Variants in RFX8 observed in about 807,000 individuals in gnomAD.
RFX8 encodes the protein DNA-binding protein RFX8.
RFX8 carries 46 observed loss-of-function variants against 54.6 expected under a neutral mutation model. The observed-to-expected ratio is 0.84, with a 90% CI of 0.67 to 1.08. The LOEUF is 1.08. Among genes scored for constraint, RFX8 ranks in the 50% least tolerant of loss-of-function variants. The pLI is 0.00. For synonymous variants in RFX8, 192 were observed against 209.5 expected (o/e 0.92, Z 0.72); for missense variants, 536 against 562.3 (o/e 0.95, Z 0.47).
rs1355231993 is a variant in RFX8 at position 101,413,107 on chromosome 2, T to C, written c.562-36A>G. 10 of 1,523,494 alleles carry C rather than the reference T, an allele frequency of 6.6e-6. No individual in the cohort carries two copies. The East Asian group carries it at 2.5e-4, about 37-fold the overall frequency. The allele number at this position is 1,523,494 out of a possible 1,614,324, so 94.4% of individuals were successfully genotyped here. On this transcript the variant is annotated intron_variant, in intron 7 of 11. Coordinates refer to ENST00000428343, the MANE Select transcript of RFX8 (RefSeq NM_001145664.2). The stretch of plus-strand genomic sequence containing the variant: ...CAGGGAGGCATAATACTTAATTCAA[T>C]CTGGTCATTTTATTTTTGCCTAACT...
In RFX8 at chr2:101,397,413, A is replaced by G; in HGVS notation, c.*135T>C. On this transcript the variant is annotated 3_prime_UTR_variant, in exon 12 of 12. Coordinates refer to ENST00000428343, the MANE Select transcript of RFX8 (RefSeq NM_001145664.2). ...TCGAAACCACCTCCTTGAAATACAT[A>G]TAAACATAAAATAGACAATGCTACA... 6.0e-6 allele frequency: 3 copies of G among 496,494 alleles called. No homozygotes were observed. The East Asian group carries it at 1.0e-4, about 17-fold the overall frequency. The allele number at this position is 496,494 out of a possible 1,614,324, so 30.8% of individuals were successfully genotyped here.
At chr2:101,447,040 G>C (rs993396529) in intron 2 of RFX8, among the ~76,000 whole-genome samples, 1 of 152,176 alleles carries the variant, frequency 6.6e-6, no homozygotes, top group African/African-American at 2.4e-5. Flanking sequence ...CTGGTTTGGC[G>C]CAGAGCACAG....
intron 2 of RFX8, among the ~76,000 whole-genome samples, chr2:101,453,660 C>T (rs1688818610): frequency 6.6e-6 from 1 of 152,120 alleles, no homozygotes; most frequent in African/African-American, 2.4e-5. Context: ...TAAGCGTTCT[C>T]TGTGTTTCAT....
chr2:101,441,293 A>G (rs1406035924), intron 2 of RFX8, among the ~76,000 whole-genome samples: 3 of 152,104 alleles, frequency 2.0e-5, no homozygotes, highest in Non-Finnish European at 4.4e-5. Flanking sequence ...TTAATCCTCA[A>G]TGTGGCAGTA....
chr2:101,452,922 T>C (rs1688774366), intron 2 of RFX8, among the ~76,000 whole-genome samples: 1 of 151,628 alleles, frequency 6.6e-6, no homozygotes, highest in Non-Finnish European at 1.5e-5. Flanking sequence ...CTGGCCAACA[T>C]GGTGAAACCC....
intron 9 of RFX8, 88 bp from the exon 10 acceptor site, chr2:101,406,145 A>G: frequency 1.4e-6 from 1 of 707,356 alleles, no homozygotes; most frequent in Non-Finnish European, 2.4e-6. Context: ...TTTGTCATGC[A>G]CACGCATTTT....
At chr2:101,437,391 A>T (rs1687837980) in intron 2 of RFX8, among the ~76,000 whole-genome samples, 1 of 152,046 alleles carries the variant, frequency 6.6e-6, no homozygotes, top group South Asian at 2.1e-4. Flanking sequence ...TGGACAACAC[A>T]ACAAGACCCT....
intron 11 of RFX8, among the ~76,000 whole-genome samples, chr2:101,399,643 G>A (rs1385026115): frequency 6.6e-6 from 1 of 152,128 alleles, no homozygotes; most frequent in Non-Finnish European, 1.5e-5. Context: ...AGTGGTTATT[G>A]GGTACTTACT....
Position 101,397,484 on chromosome 2 carries a change from GTATT to G in RFX8, c.*60_*63del. The stretch of plus-strand genomic sequence containing the variant: ...ATCTTTCGTCAATAGAAAAACTTTA[GTATT>G]TAATATTTTTAAGAATGCAAGTCTA... On this transcript the variant is annotated 3_prime_UTR_variant, in exon 12 of 12. Transcript: ENST00000428343. 1 of 1,090,902 alleles carries G rather than the reference GTATT, an allele frequency of 9.2e-7. No homozygotes were observed. Among genetic ancestry groups the G allele is most frequent in the South Asian group, 1.8e-5 (1 of 54,350 alleles). The allele number at this position is 1,090,902 out of a possible 1,614,324, so 67.6% of individuals were successfully genotyped here. A position where few individuals can be genotyped will look rare whatever the true frequency, so the allele number is the denominator to read the frequency against.
intron 1 of RFX8, among the ~76,000 whole-genome samples, chr2:101,470,706 ACT>A (rs1689930507): frequency 8.7e-6 from 1 of 115,472 alleles, no homozygotes; most frequent in East Asian, 2.6e-4. Flanking sequence ...TTTTCTGAGT[ACT>A]CTTTTTTTTT....
At chr2:101,454,741 GTTGT>G (rs1162996738) in intron 2 of RFX8, among the ~76,000 whole-genome samples, 1 of 152,232 alleles carries the variant, frequency 6.6e-6, no homozygotes, top group Non-Finnish European at 1.5e-5. Context: ...TTTTGATGGG[GTTGT>G]TTGTTTTTTT....
At chr2:101,410,794 C>A in intron 8 of RFX8, 81 bp from the exon 9 acceptor site, 1 of 719,266 alleles carries the variant, frequency 1.4e-6, no homozygotes, top group Non-Finnish European at 2.4e-6. Context: ...TACTGGGTAA[C>A]CTGGAAACAT....
intron 2 of RFX8, among the ~76,000 whole-genome samples, chr2:101,423,501 A>T (rs1179172253): frequency 6.6e-6 from 1 of 152,274 alleles, no homozygotes; most frequent in Non-Finnish European, 1.5e-5. Flanking sequence ...ATAAAGTAGG[A>T]TGAAAGAATT....
At chr2:101,397,843 G>A (rs1223245881) in intron 11 of RFX8, 119 bp from the exon 12 acceptor site, 1 of 787,470 alleles carries the variant, frequency 1.3e-6, no homozygotes. Context: ...GGATGTAAAG[G>A]AGAAGTTCAT....
At chr2:101,423,738 C>A (rs1229377908) in intron 2 of RFX8, among the ~76,000 whole-genome samples, 5 of 152,170 alleles carry the variant, frequency 3.3e-5, no homozygotes, top group Non-Finnish European at 5.9e-5. Flanking sequence ...GAGGGCAGGG[C>A]AGCTTCTCTA....
At chr2:101,423,259 C>CA (rs10686930) in intron 2 of RFX8, among the ~76,000 whole-genome samples, 993 of 96,936 alleles carry the variant, frequency 0.01, 9 homozygotes, top group South Asian at 0.025. Context: ...AACTCCATCT[C>CA]AAAAAAAAAA....
intron 1 of RFX8, among the ~76,000 whole-genome samples, chr2:101,471,197 A>G (rs1256074263): frequency 1.3e-5 from 2 of 151,844 alleles, no homozygotes; most frequent in African/African-American, 4.8e-5. Flanking sequence ...AGCTGGGCGC[A>G]GTGGTGCGTG....
At chr2:101,469,069 TATATATATAA>T (rs1689787730) in intron 1 of RFX8, among the ~76,000 whole-genome samples, 1 of 15,290 alleles carries the variant, frequency 6.5e-5, no homozygotes, top group African/African-American at 3.3e-4. Context: ...TATATATGTA[TATATATATAA>T]GTGTATATAT....
intron 1 of RFX8, among the ~76,000 whole-genome samples, chr2:101,471,944 C>T (rs1690020342): frequency 6.6e-6 from 1 of 152,240 alleles, no homozygotes; most frequent in Non-Finnish European, 1.5e-5. Context: ...TTCACTCAGA[C>T]ACTGGCTAAT....
Sources: gnomAD v4.1 joint callset for allele counts (sites outside exome capture counted in the v4.1 genomes callset) on GRCh38, gnomAD v4.1.1 for gene constraint, MANE v1.5 for transcripts, NCBI Gene and HGNC (gene_info 2026-07-23, HGNC 2026-07-21) for gene names.